Variants in KCNH3 observed in about 807,000 individuals in gnomAD.
KCNH3 encodes voltage-gated inwardly rectifying potassium channel KCNH3.
A neutral mutation model predicts 95.6 loss-of-function variants in KCNH3; 36 were observed. The ratio of observed to expected loss-of-function variants is 0.38; its 90% CI spans 0.29 to 0.50. The LOEUF (loss-of-function observed/expected upper bound fraction) is 0.50, where lower values mean the gene tolerates loss of function less well. Ranked by LOEUF, KCNH3 falls within the 20% of genes least tolerant of loss-of-function variation. The pLI is 0.95. For missense variants in KCNH3, 1,030 were observed against 1,484.1 expected, an observed-to-expected ratio of 0.69 and a Z score of 5.03; for synonymous variants, 620 against 646.3, an observed-to-expected ratio of 0.96 and a Z score of 0.62.
At chr12:49,553,119 G>A (rs923235982) in intron 10 of KCNH3, among the ~76,000 whole-genome samples, 3 of 150,526 alleles carry the variant, frequency 2.0e-5, no homozygotes, top group African/African-American at 7.5e-5. Context: ...AGCCCGGACT[G>A]CGTGCCTATC....
rs1938416723 is a variant in KCNH3, at chr12:49,555,725, G to A, written c.2242G>A (p.Glu748Lys). ...GPTVSPAPAD[E>K]PSSPLLSPGC... ...CACGGTCTCCCCAGCCCCAGCTGAT[G>A]AGCCCTCCAGCCCCCTGCTGTCCCC... Residue 748 changes from glutamate (E) to lysine (K), a missense_variant, in exon 12 of 15, where the codon GAG becomes AAG. Physicochemically the swap from Glu to Lys is moderately conservative, Grantham distance 56. This residue lies in a region of KCNH3 where 464 missense variants were observed against 493.2 expected (regional missense o/e 0.94). Coordinates refer to ENST00000257981, the MANE Select transcript of KCNH3 (RefSeq NM_012284.3). The A allele has an allele frequency of 6.2e-7, 1 of 1,612,830 alleles. No homozygotes were observed. Among genetic ancestry groups the A allele is most frequent in the Admixed American group, 1.7e-5 (1 of 59,896 alleles).
chr12:49,541,806 C>A (rs763824430), intron 3 of KCNH3, 42 bp downstream of exon 3: 2 of 1,607,014 alleles, frequency 1.2e-6, no homozygotes, highest in Non-Finnish European at 1.7e-6. Context: ...TTGGGTGCCG[C>A]AGGCCCGGGC....
rs1200280000 is a variant in KCNH3 at position 49,549,441 on chromosome 12, C to T, written c.1469C>T (p.Ala490Val). The change falls in exon 9 of 15, where the codon GCC (alanine) becomes GTC (valine). Residue 490 changes from alanine to valine, a missense_variant and splice_region_variant. Transcript: ENST00000257981. ...ACCCCCTCTCGTCACCCTCCCCCAG[C>T]CCTGATGCACGCGGTGGTGTTTGGG... ...IFSICTMLIG[A>V]LMHAVVFGNV... is the part of the protein sequence containing the mutation. 1 of 1,613,418 alleles carries T rather than the reference C, an allele frequency of 6.2e-7. No individual in the cohort carries two copies. Among genetic ancestry groups the T allele is most frequent in the Admixed American group, 1.7e-5 (1 of 60,030 alleles).
At chr12:49,546,510 C>T (rs1163410274) in intron 7 of KCNH3, among the ~76,000 whole-genome samples, 1 of 152,188 alleles carries the variant, frequency 6.6e-6, no homozygotes, top group Admixed American at 6.5e-5. Context: ...GCTTCCTTGC[C>T]TGGGTTTCCT....
chr12:49,545,055 C>T (rs1938013984), intron 7 of KCNH3, among the ~76,000 whole-genome samples: 1 of 152,074 alleles, frequency 6.6e-6, no homozygotes, highest in South Asian at 2.1e-4. Context: ...AAACCCTCAT[C>T]CTCCTTGAAG....
rs548479764 is a variant in KCNH3 at position 49,557,114 on chromosome 12, G to A, written c.2576-69G>A. The A allele has an allele frequency of 7.9e-5, 116 of 1,469,894 alleles. No homozygotes were observed. The Admixed American group carries it at 1.9e-3, about 24-fold the overall frequency. 91.1% of individuals were successfully genotyped at this position (1,469,894 alleles called of 1,614,324 possible). A position where few individuals can be genotyped will look rare whatever the true frequency, so the allele number is the denominator to read the frequency against. On this transcript the variant is annotated intron_variant, in intron 13 of 14. Transcript: ENST00000257981. ...GTCAATGTGCTCTAACTGGGGCAAGGCCTAGACCCCCAAATTGCCTATCTC... is the reference window on the plus strand; with the variant it reads ...GTCAATGTGCTCTAACTGGGGCAAGACCTAGACCCCCAAATTGCCTATCTC...
intron 7 of KCNH3, among the ~76,000 whole-genome samples, chr12:49,545,129 C>T (rs1326497946): frequency 6.6e-6 from 1 of 152,166 alleles, no homozygotes; most frequent in African/African-American, 2.4e-5. Context: ...CAGCCCTCAG[C>T]TGGCCTCCTC....
Position 49,541,705 on chromosome 12 carries a change from C to T in KCNH3, c.386C>T (p.Ser129Phe). ...GGGGAGGTGGCTCTCTTCCTAGTCT[C>T]TCACAAGGACATCAGCGAAACCAAG... The part of the protein sequence containing the change: ...EKGEVALFLV[S>F]HKDISETKNR... Residue 129 changes from serine to phenylalanine, a missense_variant, in exon 3 of 15, where the codon TCT becomes TTT. This residue lies in a region of KCNH3 where 63 missense variants were observed against 107.7 expected (regional missense o/e 0.59). Coordinates refer to ENST00000257981, the MANE Select transcript of KCNH3 (RefSeq NM_012284.3). 6.2e-7 allele frequency: 1 copy of T among 1,614,192 alleles called. No individual in the cohort carries two copies. The highest frequency in any genetic ancestry group is 8.5e-7 in the Non-Finnish European group (1 of 1,180,010).
rs149944114 is a variant in KCNH3 at position 49,557,188 on chromosome 12, G to A, written c.2581G>A (p.Gly861Ser). Residue 861 changes from glycine to serine, a missense_variant, in exon 14 of 15, where the codon GGC becomes AGC. Physicochemically the swap from Gly to Ser is moderately conservative, Grantham distance 56 (BLOSUM62 0). This residue lies in a region of KCNH3 where 464 missense variants were observed against 493.2 expected (regional missense o/e 0.94). Coordinates refer to ENST00000257981, the MANE Select transcript of KCNH3 (RefSeq NM_012284.3). ...SSSPSPGPESGLLTVPHGPSE... is the reference protein window; with the variant it reads ...SSSPSPGPESSLLTVPHGPSE... Reference sequence around the variant, plus strand: ...CCCCATCCTACTACCCACAGAGAGCGGCCTGCTCACTGTTCCCCATGGGCC... The same window carrying A: ...CCCCATCCTACTACCCACAGAGAGCAGCCTGCTCACTGTTCCCCATGGGCC... The A allele has an allele frequency of 3.8e-5, 62 of 1,613,886 alleles. No individual in the cohort carries two copies. The African/African-American group carries it at 5.1e-4, about 13-fold the overall frequency.
At chr12:49,553,168 C>T (rs1047796334) in intron 10 of KCNH3, among the ~76,000 whole-genome samples, 5 of 152,036 alleles carry the variant, frequency 3.3e-5, no homozygotes, top group African/African-American at 1.2e-4. Context: ...GACCAGGTCT[C>T]ACTGTCGCCC....
rs1370478860 is a variant in KCNH3 at position 49,557,220 on chromosome 12, G to A, written c.2613G>A (p.Glu871=). The A allele has an allele frequency of 1.2e-6, 2 of 1,614,006 alleles. No individual in the cohort carries two copies. The highest frequency in any genetic ancestry group is 1.7e-6 in the Non-Finnish European group (2 of 1,180,000). ...GLLTVPHGPS[E]ARNTDTLDKL... is the part of the protein sequence containing the mutation. ...TCACTGTTCCCCATGGGCCCAGCGA[G>A]GCAAGGAACACAGACACACTGGACA... The change falls in exon 14 of 15, where the codon GAG becomes GAA. Residue 871 remains glutamate (E), a synonymous_variant. Coordinates refer to ENST00000257981, the MANE Select transcript of KCNH3 (RefSeq NM_012284.3).
At chr12:49,544,495 C>A in intron 7 of KCNH3, 113 bp downstream of exon 7, 2 of 1,042,668 alleles carry the variant, frequency 1.9e-6, no homozygotes, top group Non-Finnish European at 2.9e-6. Flanking sequence ...TGCACGTGTG[C>A]AAATCAGAGA....
Position 49,541,087 on chromosome 12 carries a change from G to C in KCNH3, c.265G>C (p.Glu89Gln), listed in dbSNP as rs1324412501. Residue 89 changes from glutamate to glutamine, a missense_variant, in exon 2 of 15, where the codon GAG becomes CAG. By Grantham distance (29) the Glu-to-Gln change is conservative. Transcript: ENST00000257981. Reference sequence around the variant, plus strand: ...CCAACAGATCCGCAAGGCCCTGGACGAGCACAAGGAGTTCAAGGCTGAGCT... The same window carrying C: ...CCAACAGATCCGCAAGGCCCTGGACCAGCACAAGGAGTTCAAGGCTGAGCT... ...VRQQIRKALD[E>Q]HKEFKAELIL... The C allele has an allele frequency of 6.2e-7, 1 of 1,610,520 alleles. No individual in the cohort carries two copies. The highest frequency in any genetic ancestry group is 8.5e-7 in the Non-Finnish European group (1 of 1,179,998).
intron 13 of KCNH3, among the ~76,000 whole-genome samples, 180 bp from the exon 14 acceptor site, chr12:49,557,003 G>A (rs1938481602): frequency 6.6e-6 from 1 of 152,118 alleles, no homozygotes; most frequent in Non-Finnish European, 1.5e-5. Flanking sequence ...GCTGGGTGGT[G>A]TTTTCCCTGC....
chr12:49,556,510 G>C (rs1347737407), intron 13 of KCNH3, 34 bp downstream of exon 13: 11 of 1,482,498 alleles, frequency 7.4e-6, no homozygotes, highest in Non-Finnish European at 1.0e-5. Context: ...AGGTTGGTGG[G>C]GCAGCCCCTT....
chr12:49,540,910 G>A lies in KCNH3; in HGVS notation c.88G>A (p.Val30Met), dbSNP rs1449206462. ...GTGCTCTCTTGCAGACAGTAACTTC[G>A]TGCTGGGCAACGCCCAGGTGGCGGG... ...TRFDGTHSNFVLGNAQVAGLF... is the reference protein window; with the variant it reads ...TRFDGTHSNFMLGNAQVAGLF... The change falls in exon 2 of 15, where the codon GTG becomes ATG. Residue 30 changes from valine (V) to methionine (M), a missense_variant. Physicochemically the swap from Val to Met is conservative, Grantham distance 21. Transcript: ENST00000257981. The A allele has an allele frequency of 6.2e-7, 1 of 1,614,004 alleles. No homozygotes were observed. The highest frequency in any genetic ancestry group is 8.5e-7 in the Non-Finnish European group (1 of 1,180,006).
At chr12:49,554,586 T>TG (rs1157152925) in intron 11 of KCNH3, 32 bp downstream of exon 11, 2 of 1,572,570 alleles carry the variant, frequency 1.3e-6, no homozygotes, top group East Asian at 2.3e-5. Context: ...TTGGAGGGGA[T>TG]GGGGGTGCCA....
chr12:49,557,487 C>A lies in KCNH3; in HGVS notation c.2786C>A (p.Ala929Asp). 7 of 1,611,464 alleles carry A rather than the reference C, an allele frequency of 4.3e-6. No homozygotes were observed. The highest frequency in any genetic ancestry group is 5.9e-6 in the Non-Finnish European group (7 of 1,179,680). Residue 929 changes from alanine (A) to aspartate (D), a missense_variant, in exon 15 of 15, where the codon GCC (alanine) becomes GAC (aspartate). This residue lies in a region of KCNH3 where 464 missense variants were observed against 493.2 expected (regional missense o/e 0.94). Transcript: ENST00000257981. Reference protein sequence around the residue: ...PRASGEGPCPASTSGLLQPLC... With the variant: ...PRASGEGPCPDSTSGLLQPLC... ...GCATCGGGAGAGGGGCCGTGCCCAGCCAGCACCTCCGGGCTTCTGCAGCCT... is the reference window on the plus strand; with the variant it reads ...GCATCGGGAGAGGGGCCGTGCCCAGACAGCACCTCCGGGCTTCTGCAGCCT...
intron 10 of KCNH3, among the ~76,000 whole-genome samples, chr12:49,553,264 T>C (rs964909841): frequency 3.9e-5 from 6 of 152,146 alleles, no homozygotes; most frequent in African/African-American, 1.4e-4. Flanking sequence ...GTCTCCAGAA[T>C]AGCTGAGATT....
Sources: allele counts gnomAD v4.1 joint callset (sites outside exome capture counted in the v4.1 genomes callset), GRCh38; gene constraint gnomAD v4.1.1; regional missense constraint gnomAD v4.1.1; transcripts MANE v1.5; gene names NCBI Gene and HGNC (gene_info 2026-07-23, HGNC 2026-07-21).